LRBA: variants seen among roughly 807,000 people sequenced by gnomAD.
The protein encoded by LRBA is LPS responsive beige-like anchor protein.
In LRBA, 176 loss-of-function variants were observed where a neutral mutation model predicts 330.0. The observed-to-expected ratio is 0.53, with a 90% CI of 0.47 to 0.60. The LOEUF is 0.60. Among genes scored for constraint, LRBA ranks in the 20% least tolerant of loss-of-function variants. The pLI is 0.00. For synonymous variants in LRBA, 1,230 were observed against 1,193.0 expected, an observed-to-expected ratio of 1.03 and a Z score of -0.64; for missense variants, 3,259 against 3,444.8, an observed-to-expected ratio of 0.95 and a Z score of 1.35.
intron 35 of LRBA, among the ~76,000 whole-genome samples, chr4:150,736,897 C>T (rs770704320): frequency 3.3e-5 from 5 of 152,034 alleles, no homozygotes; most frequent in Non-Finnish European, 7.4e-5. Context: ...AATGCAATGA[C>T]CTATTTGAAA....
intron 2 of LRBA, among the ~76,000 whole-genome samples, chr4:150,958,781 C>T (rs1737828196): frequency 6.7e-6 from 1 of 149,042 alleles, no homozygotes; most frequent in Admixed American, 6.6e-5. Context: ...CTTTGCATGG[C>T]AAGAATGATC....
intron 37 of LRBA, among the ~76,000 whole-genome samples, chr4:150,607,594 T>G (rs1430954735): frequency 3.3e-5 from 5 of 151,672 alleles, no homozygotes; most frequent in Non-Finnish European, 5.9e-5. Flanking sequence ...AAGAGGCCTG[T>G]GCTAGAGATT....
At chr4:150,952,692 C>G (rs1450907064) in intron 2 of LRBA, among the ~76,000 whole-genome samples, 1 of 152,022 alleles carries the variant, frequency 6.6e-6, no homozygotes, top group Non-Finnish European at 1.5e-5. Flanking sequence ...GTACCTATCT[C>G]TCTCTGGTTC....
intron 44 of LRBA, among the ~76,000 whole-genome samples, chr4:150,450,453 G>A (rs1235754717): frequency 6.6e-6 from 1 of 152,088 alleles, no homozygotes; most frequent in African/African-American, 2.4e-5. Flanking sequence ...GCTGTTCCTT[G>A]GCTTGCAGCA....
intron 39 of LRBA, 148 bp from the exon 40 acceptor site, chr4:150,588,332 C>G: frequency 1.5e-6 from 1 of 682,508 alleles, no homozygotes; most frequent in South Asian, 3.6e-5. Flanking sequence ...ATTCTGTCCA[C>G]CCCAAATCTT....
At chr4:150,675,705 G>A (rs868459524) in intron 37 of LRBA, among the ~76,000 whole-genome samples, 1 of 151,692 alleles carries the variant, frequency 6.6e-6, no homozygotes, top group South Asian at 2.1e-4. Context: ...GCGACAAAGC[G>A]AGGCTCCGTC....
chr4:150,784,554 G>T (rs1738753838), intron 34 of LRBA, among the ~76,000 whole-genome samples: 1 of 152,148 alleles, frequency 6.6e-6, no homozygotes, highest in Non-Finnish European at 1.5e-5. Flanking sequence ...CTACGTGAAT[G>T]ACATGCCTGG....
At chr4:150,506,148 G>A (rs1460138417) in intron 40 of LRBA, among the ~76,000 whole-genome samples, 1 of 151,156 alleles carries the variant, frequency 6.6e-6, no homozygotes, top group African/African-American at 2.4e-5. Flanking sequence ...TACCAGAGGT[G>A]CAAGGAGGAG....
rs552169778 is a variant in LRBA, at chr4:150,926,311, C to T, written c.549+2205G>A. 2.0e-5 allele frequency among the ~76,000 whole-genome samples: 3 copies of T among 152,308 alleles called. No individual in the cohort carries two copies. The South Asian group carries it at 6.2e-4, about 32-fold the overall frequency. ...ACACTTCGGAGAGACCACAGTCTTG[C>T]TACCTCCTGTCCTATGTCTGAGACT... On this transcript the variant is annotated intron_variant, in intron 4 of 56. Transcript: ENST00000651943.
intron 48 of LRBA, among the ~76,000 whole-genome samples, chr4:150,339,514 T>C (rs1336039090): frequency 2.0e-5 from 3 of 152,272 alleles, no homozygotes; most frequent in Non-Finnish European, 1.5e-5. Flanking sequence ...AGAGTTGTGT[T>C]TGGCTTTTTT....
At chr4:150,807,519 C>G (rs1283261277) in intron 32 of LRBA, among the ~76,000 whole-genome samples, 1 of 152,020 alleles carries the variant, frequency 6.6e-6, no homozygotes, top group Non-Finnish European at 1.5e-5. Flanking sequence ...TCAAAGCATT[C>G]GAAATTAAAC....
intron 36 of LRBA, among the ~76,000 whole-genome samples, chr4:150,723,619 C>T (rs1216445116): frequency 2.6e-5 from 4 of 152,150 alleles, no homozygotes; most frequent in Non-Finnish European, 5.9e-5. Context: ...AGGGGTGACC[C>T]AGCATATTCC....
intron 40 of LRBA, among the ~76,000 whole-genome samples, chr4:150,528,142 TCAA>T (rs1367742978): frequency 6.6e-6 from 1 of 152,136 alleles, no homozygotes; most frequent in African/African-American, 2.4e-5. Context: ...ACTATAAATA[TCAA>T]CTTCTGATTT....
chr4:151,005,620 T>C (rs1018896432), intron 2 of LRBA, among the ~76,000 whole-genome samples: 3 of 140,092 alleles, frequency 2.1e-5, no homozygotes, highest in Non-Finnish European at 4.5e-5. Flanking sequence ...TTTTTTTTTT[T>C]TGGAGACGTA....
At chr4:150,381,030 G>C (rs939635415) in intron 47 of LRBA, among the ~76,000 whole-genome samples, 1 of 132,816 alleles carries the variant, frequency 7.5e-6, no homozygotes, top group South Asian at 2.5e-4. Context: ...TTTTAACTTA[G>C]AACTATTTAA....
At position 150,651,595 on chromosome 4, in the gene LRBA, A is replaced by T. The variant is rs185654059; in HGVS notation, c.5921+31956T>A. On this transcript the variant is annotated intron_variant, in intron 37 of 56. Coordinates refer to ENST00000651943, the MANE Select transcript of LRBA (RefSeq NM_001364905.1). ...TCTAAAAGCTCCCATGGCAACCTAG[A>T]CCAAGTTTGTCTTGTTCCTAACTGT... 2.8e-3 allele frequency among the ~76,000 whole-genome samples: 432 copies of T among 152,278 alleles called. 1 individual carries two copies. Among genetic ancestry groups the T allele is most frequent in the African/African-American group, 9.5e-3 (394 of 41,558 alleles).
At chr4:150,276,422 A>C (rs1441080732) in intron 56 of LRBA, among the ~76,000 whole-genome samples, 1 of 152,240 alleles carries the variant, frequency 6.6e-6, no homozygotes, top group East Asian at 1.9e-4. Flanking sequence ...CAAAAGCCAA[A>C]ATTGACAAAT....
intron 40 of LRBA, 56 bp downstream of exon 40, chr4:150,587,991 TC>T: frequency 1.3e-6 from 2 of 1,564,760 alleles, no homozygotes; most frequent in Non-Finnish European, 1.7e-6. Context: ...CCCAATCCTA[TC>T]CAACAGCACC....
chr4:150,950,870 G>A (rs994066891), intron 2 of LRBA, among the ~76,000 whole-genome samples: 2 of 152,040 alleles, frequency 1.3e-5, no homozygotes, highest in African/African-American at 4.8e-5. Context: ...CCCTTCTACT[G>A]GCCACAGTGA....
Sources: allele counts gnomAD v4.1 joint callset (sites outside exome capture counted in the v4.1 genomes callset), GRCh38; gene constraint gnomAD v4.1.1; transcripts MANE v1.5; gene names NCBI Gene and HGNC (gene_info 2026-07-23, HGNC 2026-07-21).